The following MYRIP variants were observed in gnomAD, a reference collection of about 807,000 sequenced individuals.
MYRIP encodes myosin VIIA and Rab interacting protein.
MYRIP carries 49 observed loss-of-function variants against 98.0 expected under a neutral mutation model. That is an observed-to-expected ratio of 0.50 (90% CI 0.40 to 0.63). The LOEUF (loss-of-function observed/expected upper bound fraction) is 0.63, where lower values mean the gene tolerates loss of function less well. Among genes scored for constraint, MYRIP ranks in the 30% least tolerant of loss-of-function variants. The pLI is 0.00. For missense variants in MYRIP, 1,004 were observed against 1,058.2 expected (o/e 0.95, Z 0.71); for synonymous variants, 404 against 409.5 (o/e 0.99, Z 0.16).
At position 40,026,014 on chromosome 3, in the gene MYRIP, A is replaced by C. The variant is rs1023461414; in HGVS notation, c.111-18036A>C. On this transcript the variant is annotated intron_variant, in intron 2 of 16. Transcript: ENST00000302541. ...GAGAGCAGAGAACCAGTCTGACCTC[A>C]AATTTACCAGGGTGTGGTTTTTCCC... Among the ~76,000 whole-genome samples the C allele has an allele frequency of 8.5e-5, 13 of 152,294 alleles. No individual in the cohort carries two copies. In the East Asian group the frequency reaches 2.3e-3, roughly 27 times the overall value.
intron 3 of MYRIP, among the ~76,000 whole-genome samples, chr3:40,062,600 C>T (rs1314430438): frequency 6.6e-6 from 1 of 152,122 alleles, no homozygotes; most frequent in Non-Finnish European, 1.5e-5. Context: ...GACTAATAAT[C>T]AGATAAGGTT....
At chr3:40,005,882 T>C (rs1264622080) in intron 2 of MYRIP, among the ~76,000 whole-genome samples, 1 of 152,136 alleles carries the variant, frequency 6.6e-6, no homozygotes. Flanking sequence ...AATTAGAAAT[T>C]GCAAAAAGTC....
intron 1 of MYRIP, among the ~76,000 whole-genome samples, chr3:39,889,906 A>G (rs1943438899): frequency 6.6e-6 from 1 of 152,122 alleles, no homozygotes; most frequent in Non-Finnish European, 1.5e-5. Context: ...CACTATAACC[A>G]TGCCTTACAA....
intron 8 of MYRIP, among the ~76,000 whole-genome samples, chr3:40,180,012 A>C (rs1950849664): frequency 6.6e-6 from 1 of 152,262 alleles, no homozygotes; most frequent in Non-Finnish European, 1.5e-5. Flanking sequence ...GCAGAATCGC[A>C]GAATGGCTCT....
At chr3:39,943,147 C>G (rs1026806143) in intron 2 of MYRIP, among the ~76,000 whole-genome samples, 2 of 152,114 alleles carry the variant, frequency 1.3e-5, no homozygotes, top group Non-Finnish European at 2.9e-5. Flanking sequence ...TCTTAATGAT[C>G]TACAAATTTT....
chr3:39,983,539 T>G (rs1158490056), intron 2 of MYRIP, among the ~76,000 whole-genome samples: 1 of 152,210 alleles, frequency 6.6e-6, no homozygotes, highest in Non-Finnish European at 1.5e-5. Context: ...TGATGCTTGA[T>G]CTATTCTATT....
chr3:40,037,947 C>A (rs1559375217), intron 2 of MYRIP, among the ~76,000 whole-genome samples: 1 of 152,088 alleles, frequency 6.6e-6, no homozygotes, highest in African/African-American at 2.4e-5. Context: ...GCTAAATAAA[C>A]CTCTATCCAT....
intron 2 of MYRIP, among the ~76,000 whole-genome samples, chr3:40,011,277 T>C (rs1946754707): frequency 6.6e-6 from 1 of 152,198 alleles, no homozygotes; most frequent in South Asian, 2.1e-4. Flanking sequence ...CAAGTGGTGC[T>C]GGGAAACACA....
intron 1 of MYRIP, among the ~76,000 whole-genome samples, chr3:39,826,423 T>C (rs544118648): frequency 6.6e-6 from 1 of 152,284 alleles, no homozygotes; most frequent in South Asian, 2.1e-4. Flanking sequence ...TTTTACCCAT[T>C]GATCAGGAAC....
chr3:40,179,906 T>A (rs1159914536), intron 8 of MYRIP, among the ~76,000 whole-genome samples: 1 of 152,214 alleles, frequency 6.6e-6, no homozygotes, highest in Non-Finnish European at 1.5e-5. Context: ...CATAGAATGA[T>A]GTTTTCCTTC....
chr3:39,985,512 C>A (rs1575438212), intron 2 of MYRIP, among the ~76,000 whole-genome samples: 1 of 130,442 alleles, frequency 7.7e-6, no homozygotes, highest in East Asian at 2.1e-4. Flanking sequence ...CAATCCTAAG[C>A]CAAAAGAACA....
chr3:39,867,538 G>T (rs898519569), intron 1 of MYRIP, among the ~76,000 whole-genome samples: 3 of 152,050 alleles, frequency 2.0e-5, no homozygotes, highest in Non-Finnish European at 2.9e-5. Flanking sequence ...ATGGCCTACA[G>T]GTATATGAAA....
At chr3:40,175,861 G>A (rs1950741358) in intron 8 of MYRIP, among the ~76,000 whole-genome samples, 1 of 152,238 alleles carries the variant, frequency 6.6e-6, no homozygotes, top group South Asian at 2.1e-4. Context: ...GACTGACCCT[G>A]GCCAAAGCCA....
At chr3:39,876,590 T>A (rs566915479) in intron 1 of MYRIP, among the ~76,000 whole-genome samples, 7 of 151,858 alleles carry the variant, frequency 4.6e-5, no homozygotes, top group Admixed American at 3.3e-4. Context: ...TTATTTCTCC[T>A]TCATTTATGA....
intron 2 of MYRIP, among the ~76,000 whole-genome samples, chr3:40,007,832 G>A (rs1946668171): frequency 6.6e-6 from 1 of 152,212 alleles, no homozygotes; most frequent in South Asian, 2.1e-4. Context: ...CTTCTTCAGG[G>A]AGGTCAGTCT....
intron 3 of MYRIP, among the ~76,000 whole-genome samples, chr3:40,084,868 A>G (rs1338493087): frequency 4.3e-5 from 3 of 69,326 alleles, no homozygotes; most frequent in Non-Finnish European, 5.8e-5. Context: ...TAGATAATAT[A>G]TATCTATGTG....
intron 1 of MYRIP, among the ~76,000 whole-genome samples, chr3:39,828,946 A>C (rs1043169192): frequency 1.3e-5 from 2 of 152,190 alleles, no homozygotes; most frequent in Non-Finnish European, 2.9e-5. Flanking sequence ...ATGTGTATGC[A>C]AGTATCTTTT....
At chr3:39,876,316 T>G (rs1942993675) in intron 1 of MYRIP, among the ~76,000 whole-genome samples, 1 of 152,238 alleles carries the variant, frequency 6.6e-6, no homozygotes, top group Admixed American at 6.5e-5. Context: ...CTGTGTCTTT[T>G]AATTGGAGCA....
intron 2 of MYRIP, among the ~76,000 whole-genome samples, chr3:39,925,556 C>G (rs145243995): frequency 2.6e-5 from 4 of 152,104 alleles, no homozygotes; most frequent in African/African-American, 9.6e-5. Flanking sequence ...TGCTTAGCTC[C>G]CACTTATAAG....
Sources: allele counts gnomAD v4.1 joint callset (sites outside exome capture counted in the v4.1 genomes callset), GRCh38; gene constraint gnomAD v4.1.1; transcripts MANE v1.5; gene names NCBI Gene and HGNC (gene_info 2026-07-23, HGNC 2026-07-21).